The following ACVR1C variants were observed in gnomAD, a reference collection of about 807,000 sequenced individuals.
ACVR1C encodes activin receptor type-1C.
Under a neutral mutation model 57.9 loss-of-function variants are expected in ACVR1C, and 23 were observed. That is an observed-to-expected ratio of 0.40 (90% CI 0.29 to 0.56). The LOEUF (loss-of-function observed/expected upper bound fraction) is 0.56. Ranked by LOEUF, ACVR1C falls within the 20% of genes least tolerant of loss-of-function variation. The pLI, the probability that ACVR1C is intolerant of heterozygous loss-of-function variation, is 0.50. For missense variants in ACVR1C, 480 were observed against 607.9 expected (o/e 0.79, Z 2.21); for synonymous variants, 214 against 215.3 (o/e 0.99, Z 0.05).
chr2:157,587,564 C>T, intron 1 of ACVR1C, 147 bp from the exon 2 acceptor site: 1 of 616,996 alleles, frequency 1.6e-6, no homozygotes. Flanking sequence ...TAAGCAATTA[C>T]TCCCTCTCCA....
intron 2 of ACVR1C, among the ~76,000 whole-genome samples, chr2:157,575,990 T>C (rs966030610): frequency 6.6e-6 from 1 of 152,096 alleles, no homozygotes; most frequent in Admixed American, 6.6e-5. Context: ...CTTTGAAACT[T>C]GATGTTTTAT....
chr2:157,613,699 T>A (rs543360679), intron 1 of ACVR1C, among the ~76,000 whole-genome samples: 100 of 152,368 alleles, frequency 6.6e-4, no homozygotes, highest in South Asian at 6.0e-3. Flanking sequence ...CAGGCTTGCA[T>A]TCCTAGGACA....
At chr2:157,580,844 A>G (rs1688773802) in intron 2 of ACVR1C, among the ~76,000 whole-genome samples, 1 of 152,202 alleles carries the variant, frequency 6.6e-6, no homozygotes, top group Admixed American at 6.5e-5. Context: ...TAAATCAGAC[A>G]ACTAAGAATG....
chr2:157,543,294 C>T (rs565633134), intron 5 of ACVR1C, among the ~76,000 whole-genome samples: 9 of 152,162 alleles, frequency 5.9e-5, no homozygotes, highest in East Asian at 1.9e-4. Context: ...TTTCTAACTA[C>T]GCATCTGTGT....
At chr2:157,556,462 G>T in intron 2 of ACVR1C, 130 bp from the exon 3 acceptor site, 1 of 1,195,974 alleles carries the variant, frequency 8.4e-7, no homozygotes, top group Non-Finnish European at 1.2e-6. Flanking sequence ...ATGTTCATTG[G>T]TAAAGGCTCT....
intron 1 of ACVR1C, among the ~76,000 whole-genome samples, chr2:157,588,862 TATATATATATATATATAC>T (rs1245621939): frequency 7.1e-6 from 1 of 140,240 alleles, no homozygotes; most frequent in East Asian, 2.0e-4. Flanking sequence ...TATATATATA[TATATATATATATATATAC>T]GTGTGTGTGT....
intron 3 of ACVR1C, among the ~76,000 whole-genome samples, chr2:157,554,322 A>G (rs1688032041): frequency 6.7e-6 from 1 of 149,772 alleles, no homozygotes; most frequent in African/African-American, 2.5e-5. Context: ...AAAGAAAAAG[A>G]AAAAGAAAGA....
intron 3 of ACVR1C, among the ~76,000 whole-genome samples, chr2:157,554,209 A>AAGAAAGAAAGAAAGAAAGAAAGAG (rs1558974826): frequency 3.7e-4 from 33 of 88,046 alleles, no homozygotes; most frequent in African/African-American, 1.9e-3. Flanking sequence ...GAGAGAAAGA[A>AAGAAAGAAAGAAAGAAAGAAAGAG]AGAAAGAAAG....
chr2:157,542,785 C>T lies in ACVR1C; in HGVS notation c.1021G>A (p.Asp341Asn), dbSNP rs1458679851. The T allele has an allele frequency of 5.0e-6, 8 of 1,613,970 alleles. No individual in the cohort carries two copies. The highest frequency in any genetic ancestry group is 6.8e-6 in the Non-Finnish European group (8 of 1,179,982). Residue 341 changes from aspartate (D) to asparagine (N), a missense_variant, in exon 6 of 9, where the codon GAC becomes AAC. Coordinates refer to ENST00000243349, the MANE Select transcript of ACVR1C (RefSeq NM_145259.3). ...TCATGCTTCACAGCCAACCCTAAGT[C>T]CGCTATGGCACAAGTTTCACACTTT... ...VKKCETCAIA[D>N]LGLAVKHDSI...
rs1340084131 is a variant in ACVR1C at position 157,529,770 on chromosome 2, G to A, written c.*4148C>T. On this transcript the variant is annotated 3_prime_UTR_variant, in exon 9 of 9. Coordinates refer to ENST00000243349, the MANE Select transcript of ACVR1C (RefSeq NM_145259.3). ...GTGAGGGAATATTAAGAAAAAAAGT[G>A]AGAAAAATAATGAAATATAAAGCAA... The A allele has an allele frequency of 6.6e-6, 1 of 151,820 alleles. No homozygotes were observed. Among genetic ancestry groups the A allele is most frequent in the African/African-American group, 2.4e-5 (1 of 41,354 alleles). 9.4% of individuals were successfully genotyped at this position (151,820 alleles called of 1,614,324 possible).
At chr2:157,551,015 C>T (rs1029532118) in intron 3 of ACVR1C, among the ~76,000 whole-genome samples, 4 of 152,166 alleles carry the variant, frequency 2.6e-5, no homozygotes, top group Non-Finnish European at 4.4e-5. Context: ...GAACTACTAA[C>T]TCCACCTCTA....
intron 1 of ACVR1C, among the ~76,000 whole-genome samples, chr2:157,600,114 C>T (rs1682246600): frequency 6.6e-6 from 1 of 152,150 alleles, no homozygotes; most frequent in African/African-American, 2.4e-5. Context: ...CAAGTTGTTG[C>T]CCTAGAATCA....
intron 8 of ACVR1C, among the ~76,000 whole-genome samples, chr2:157,534,851 AGAAAGTT>A (rs1285948025): frequency 6.6e-6 from 1 of 152,148 alleles, no homozygotes; most frequent in Non-Finnish European, 1.5e-5. Flanking sequence ...CACAGCACAC[AGAAAGTT>A]TCAGATCAAG....
intron 1 of ACVR1C, among the ~76,000 whole-genome samples, chr2:157,602,376 A>G (rs992932052): frequency 6.6e-6 from 1 of 152,222 alleles, no homozygotes; most frequent in Non-Finnish European, 1.5e-5. Context: ...TCATTTGCCA[A>G]ATTGGAAATG....
intron 1 of ACVR1C, among the ~76,000 whole-genome samples, chr2:157,606,325 G>C (rs1682395776): frequency 6.6e-6 from 1 of 151,806 alleles, no homozygotes; most frequent in Non-Finnish European, 1.5e-5. Flanking sequence ...CCAGTAGTGG[G>C]ATTGCTGGAT....
intron 1 of ACVR1C, among the ~76,000 whole-genome samples, chr2:157,594,005 T>C (rs1394064800): frequency 6.6e-6 from 1 of 152,152 alleles, no homozygotes; most frequent in East Asian, 1.9e-4. Context: ...AGCAATTACG[T>C]TCCCTGTTAA....
At position 157,556,495 on chromosome 2, in the gene ACVR1C, G is replaced by GA. The variant is rs201075542; in HGVS notation, c.305-164dup. On this transcript the variant is annotated intron_variant, in intron 2 of 8. Coordinates refer to ENST00000243349, the MANE Select transcript of ACVR1C (RefSeq NM_145259.3). ...TCTCTGTGGTATAAGCAAAGATGGA[G>GA]AAAAAAAATGAGATTAGGCTGCAGC... 5.3e-5 allele frequency among the ~76,000 whole-genome samples: 8 copies of GA among 151,274 alleles called. No individual in the cohort carries two copies. In the South Asian group the frequency reaches 1.3e-3, roughly 24 times the overall value.
chr2:157,619,621 GC>G lies in ACVR1C; in HGVS notation c.73+8950del, dbSNP rs370392063. On this transcript the variant is annotated intron_variant, in intron 1 of 8. Transcript: ENST00000243349. Reference sequence around the variant, plus strand: ...GCAACAGTAACTATTTGTTTCACAAGCCTAAAATAGGATAAACTCTGACCCT... The same window carrying G: ...GCAACAGTAACTATTTGTTTCACAAGCTAAAATAGGATAAACTCTGACCCT... Among the ~76,000 whole-genome samples, 485 of 152,076 alleles carry G rather than the reference GC, an allele frequency of 3.2e-3. 1 individual carries two copies. Among genetic ancestry groups the G allele is most frequent in the Non-Finnish European group, 5.4e-3 (368 of 67,864 alleles).
At chr2:157,564,921 A>C (rs545519493) in intron 2 of ACVR1C, among the ~76,000 whole-genome samples, 1 of 152,132 alleles carries the variant, frequency 6.6e-6, no homozygotes, top group East Asian at 1.9e-4. Flanking sequence ...ACACATGGAC[A>C]CTGGGAGGGG....
Sources: gnomAD v4.1 joint callset for allele counts (sites outside exome capture counted in the v4.1 genomes callset) on GRCh38, gnomAD v4.1.1 for gene constraint, MANE v1.5 for transcripts, NCBI Gene and HGNC (gene_info 2026-07-23, HGNC 2026-07-21) for gene names.